Variants in TANC2 observed in about 807,000 individuals in gnomAD.
The protein encoded by TANC2 is protein TANC2.
Under a neutral mutation model 210.5 loss-of-function variants are expected in TANC2, and 26 were observed. That is an observed-to-expected ratio of 0.12 (90% CI 0.09 to 0.17). The LOEUF is 0.17. Ranked by LOEUF, TANC2 falls within the 10% of genes least tolerant of loss-of-function variation. The pLI is 1.00. For synonymous variants in TANC2, 931 were observed against 967.1 expected, an observed-to-expected ratio of 0.96 and a Z score of 0.69; for missense variants, 2,129 against 2,608.9, an observed-to-expected ratio of 0.82 and a Z score of 4.01.
At chr17:62,978,339 G>GA (rs1294630167) in intron 1 of TANC2, among the ~76,000 whole-genome samples, 3 of 152,032 alleles carry the variant, frequency 2.0e-5, no homozygotes, top group Non-Finnish European at 2.9e-5. Context: ...TTTTTTTGGG[G>GA]AGAGTTAGGG....
chr17:63,246,514 A>G (rs1182145420), intron 8 of TANC2, among the ~76,000 whole-genome samples: 1 of 152,102 alleles, frequency 6.6e-6, no homozygotes, highest in Non-Finnish European at 1.5e-5. Context: ...CCACTAATTG[A>G]CAGAGTCTAT....
intron 4 of TANC2, among the ~76,000 whole-genome samples, chr17:63,131,897 T>C (rs1258872938): frequency 6.6e-6 from 1 of 152,172 alleles, no homozygotes; most frequent in African/African-American, 2.4e-5. Flanking sequence ...ACCTCCTCAA[T>C]AGGATTTTGA....
chr17:63,202,286 A>G (rs1367102834), intron 7 of TANC2, among the ~76,000 whole-genome samples: 4 of 152,162 alleles, frequency 2.6e-5, no homozygotes, highest in African/African-American at 9.6e-5. Context: ...GAATTTAAGA[A>G]TAGTATAAAA....
chr17:63,395,192 C>T (rs528792120), intron 17 of TANC2, among the ~76,000 whole-genome samples: 31 of 152,298 alleles, frequency 2.0e-4, no homozygotes, highest in African/African-American at 7.2e-4. Context: ...CCAGAAGTGC[C>T]TCTAGCCATT....
chr17:63,208,324 T>A, intron 7 of TANC2, among the ~76,000 whole-genome samples: 1 of 152,158 alleles, frequency 6.6e-6, no homozygotes, highest in East Asian at 1.9e-4. Flanking sequence ...GTCTAGGTCT[T>A]TTTCTGAGCT....
In TANC2 at chr17:63,200,862, C is replaced by T; in HGVS notation, c.674C>T (p.Pro225Leu). ...GCCAGTAGCCCCTGCTCTACACTCC[C>T]ACCCATCAGTACAAATGCAACTGCC... Residue 225 changes from proline to leucine, a missense_variant, in exon 7 of 28, where the codon CCA becomes CTA. Physicochemically the swap from Pro to Leu is moderately conservative, Grantham distance 98. Transcript: ENST00000689528. 1 of 1,613,900 alleles carries T rather than the reference C, an allele frequency of 6.2e-7. No homozygotes were observed. Among genetic ancestry groups the T allele is most frequent in the South Asian group, 1.1e-5 (1 of 91,076 alleles).
Position 63,133,596 on chromosome 17 carries a change from T to C in TANC2, c.323-17674T>C, listed in dbSNP as rs191549453. ...GTCAGTAAATGATGGCTCACTGTTA[T>C]ATACTTGCTTCCAGTCCAAGTCTGT... On this transcript the variant is annotated intron_variant, in intron 4 of 27. Coordinates refer to ENST00000689528, the Ensembl canonical transcript of TANC2. Among the ~76,000 whole-genome samples, 8 of 152,374 alleles carry C rather than the reference T, an allele frequency of 5.3e-5. No individual in the cohort carries two copies. In the East Asian group the frequency reaches 9.6e-4, roughly 18 times the overall value.
chr17:63,209,573 A>G (rs1598612481), intron 7 of TANC2, among the ~76,000 whole-genome samples: 1 of 152,056 alleles, frequency 6.6e-6, no homozygotes, highest in South Asian at 2.1e-4. Context: ...GGCTGGGATT[A>G]CAGGCACGCA....
chr17:63,055,093 A>G (rs955452508), intron 2 of TANC2, among the ~76,000 whole-genome samples: 1 of 152,234 alleles, frequency 6.6e-6, no homozygotes, highest in Non-Finnish European at 1.5e-5. Context: ...ACCCAGTTGC[A>G]GGAAATAACA....
At chr17:63,018,279 G>T (rs2034195895) in intron 2 of TANC2, among the ~76,000 whole-genome samples, 1 of 151,900 alleles carries the variant, frequency 6.6e-6, no homozygotes, top group African/African-American at 2.4e-5. Context: ...TCACCGGGAA[G>T]TCGGGGTTCA....
chr17:63,169,602 T>G (rs548620803), intron 5 of TANC2, among the ~76,000 whole-genome samples: 1 of 152,082 alleles, frequency 6.6e-6, no homozygotes, highest in Non-Finnish European at 1.5e-5. Flanking sequence ...GATCATGAGG[T>G]CAGGAGATGG....
At chr17:63,110,750 C>T (rs1393924566) in intron 4 of TANC2, among the ~76,000 whole-genome samples, 3 of 152,204 alleles carry the variant, frequency 2.0e-5, no homozygotes, top group Non-Finnish European at 4.4e-5. Context: ...TACTGTCATA[C>T]TGGCCTTTAA....
At chr17:63,271,892 T>C (rs1431111466) in intron 9 of TANC2, among the ~76,000 whole-genome samples, 1 of 152,186 alleles carries the variant, frequency 6.6e-6, no homozygotes, top group Non-Finnish European at 1.5e-5. Context: ...TCTCCCATTC[T>C]GTAGGTTGTC....
chr17:63,179,998 T>G (rs1029883), intron 5 of TANC2, among the ~76,000 whole-genome samples: 87,889 of 148,102 alleles, frequency 0.59, 28,234 homozygotes, highest in African/African-American at 0.85. Flanking sequence ...AAAAAAGCCT[T>G]GGTGTGGTGG....
intron 2 of TANC2, among the ~76,000 whole-genome samples, chr17:63,041,313 A>G (rs1392676171): frequency 6.6e-6 from 1 of 152,192 alleles, no homozygotes; most frequent in Admixed American, 6.5e-5. Context: ...ATTGAAATAT[A>G]CTATATTATT....
Position 63,165,529 on chromosome 17 carries a change from A to G in TANC2, c.433+14149A>G, listed in dbSNP as rs535785265. Among the ~76,000 whole-genome samples, 6 of 152,212 alleles carry G rather than the reference A, an allele frequency of 3.9e-5. No individual in the cohort carries two copies. The East Asian group carries it at 1.2e-3, about 29-fold the overall frequency. On this transcript the variant is annotated intron_variant, in intron 5 of 27. Transcript: ENST00000689528. ...TTATAACGGTCTGTAGGTCTTTCCC[A>G]TTACCCGGTCTGTACTGCTACACTG...
chr17:62,995,072 A>C lies in TANC2; in HGVS notation c.-23-14465A>C, dbSNP rs544567963. ...TGAAACGGTTATCACTTATTTCATTATTACGTCACTTTTAGATAAATCCAT... is the reference window on the plus strand; with the variant it reads ...TGAAACGGTTATCACTTATTTCATTCTTACGTCACTTTTAGATAAATCCAT... On this transcript the variant is annotated intron_variant, in intron 1 of 27. Coordinates refer to ENST00000689528, the Ensembl canonical transcript of TANC2. Among the ~76,000 whole-genome samples the C allele has an allele frequency of 2.6e-5, 4 of 152,342 alleles. No homozygotes were observed. In the South Asian group the frequency reaches 8.3e-4, roughly 32 times the overall value.
intron 9 of TANC2, among the ~76,000 whole-genome samples, chr17:63,302,277 T>TAGATC (rs2044744180): frequency 6.6e-6 from 1 of 152,178 alleles, no homozygotes; most frequent in African/African-American, 2.4e-5. Context: ...GAGAGTTCTG[T>TAGATC]AGATGTCTAT....
rs374857431 is a variant in TANC2 at position 63,412,145 on chromosome 17, G to A, written c.3898+15G>A. On this transcript the variant is annotated intron_variant, in intron 23 of 27. Transcript: ENST00000689528. This position sits in a 1 kb window ranked among gnomAD's most constrained non-coding sequence, Gnocchi z 4.2. ...AGCCAAGATAGGTAGGAGAAGGGAA[G>A]AGGATGTTGGCCATCTGTGCCCAGG... 1,163 of 1,613,996 alleles carry A rather than the reference G, an allele frequency of 7.2e-4. 17 individuals are homozygous for A. The South Asian group carries it at 0.012, about 17-fold the overall frequency.
Sources: gnomAD v4.1 joint callset for allele counts (sites outside exome capture counted in the v4.1 genomes callset) on GRCh38, gnomAD v4.1.1 for gene constraint, Gnocchi (gnomAD v3.1) non-coding constraint, MANE v1.5 for transcripts, NCBI Gene and HGNC (gene_info 2026-07-23, HGNC 2026-07-21) for gene names.